LOXHD1: variants seen among roughly 807,000 people sequenced by gnomAD.
LOXHD1 encodes lipoxygenase homology PLAT domains 1.
Under a neutral mutation model 248.2 loss-of-function variants are expected in LOXHD1, and 205 were observed. The observed-to-expected ratio is 0.83, with a 90% CI of 0.74 to 0.93. The LOEUF (loss-of-function observed/expected upper bound fraction) is 0.93, where lower values mean the gene tolerates loss of function less well. Among genes scored for constraint, LOXHD1 ranks in the 40% least tolerant of loss-of-function variants. The pLI is 0.00. For missense variants in LOXHD1, 2,930 were observed against 2,971.6 expected (o/e 0.99, Z 0.33); for synonymous variants, 1,113 against 1,162.8 (o/e 0.96, Z 0.87).
intron 36 of LOXHD1, among the ~76,000 whole-genome samples, 155 bp from the exon 37 acceptor site, chr18:46,506,178 A>G (rs769034604): frequency 4.6e-5 from 7 of 152,138 alleles, no homozygotes; most frequent in African/African-American, 9.7e-5. Flanking sequence ...GAAAGGGTCA[A>G]TTACTGTCCC....
At chr18:46,616,344 C>A (rs2038586757) in intron 5 of LOXHD1, among the ~76,000 whole-genome samples, 1 of 152,128 alleles carries the variant, frequency 6.6e-6, no homozygotes, top group South Asian at 2.1e-4. Context: ...TTAAAATCTA[C>A]AGTTAATCAT....
chr18:46,572,009 T>C, intron 15 of LOXHD1, 77 bp downstream of exon 15: 3 of 1,301,690 alleles, frequency 2.3e-6, no homozygotes, highest in Non-Finnish European at 3.3e-6. Context: ...GCTCGTGTTT[T>C]CTTGAAGGGC....
rs991664099 is a variant in LOXHD1 at position 46,652,228 on chromosome 18, T to C, written c.131-2959A>G. On this transcript the variant is annotated intron_variant, in intron 1 of 40. Coordinates refer to ENST00000642948, the MANE Select transcript of LOXHD1 (RefSeq NM_001384474.1). ...AAATGTGGTTGCCTGGGGTCAGAAG[T>C]AGGGGGGACTGACTGGGAAGGAACA... is the stretch of plus-strand genomic sequence containing the variant. Among the ~76,000 whole-genome samples the C allele has an allele frequency of 2.6e-5, 4 of 152,068 alleles. No homozygotes were observed. In the East Asian group the frequency reaches 7.7e-4, roughly 29 times the overall value.
intron 4 of LOXHD1, among the ~76,000 whole-genome samples, chr18:46,634,129 C>A (rs918560469): frequency 6.6e-6 from 1 of 152,096 alleles, no homozygotes; most frequent in Non-Finnish European, 1.5e-5. Context: ...ATTTGTACGC[C>A]CATGTTCATA....
chr18:46,542,733 T>C lies in LOXHD1; in HGVS notation c.3742A>G (p.Asn1248Asp). The change falls in exon 24 of 41, where the codon AAC becomes GAC. Residue 1248 changes from asparagine to aspartate, a missense_variant. Coordinates refer to ENST00000642948, the MANE Select transcript of LOXHD1 (RefSeq NM_001384474.1). ...DLWKVRLGHD[N>D]TGKAPGWFVD... is the part of the protein sequence containing the mutation. Reference sequence around the variant, plus strand: ...GAGGGGAGGGAAGCCACACCTGTGTTGTCATGGCCAAGCCGGACTTTCCAC... The same window carrying C: ...GAGGGGAGGGAAGCCACACCTGTGTCGTCATGGCCAAGCCGGACTTTCCAC... 3 of 1,551,660 alleles carry C rather than the reference T, an allele frequency of 1.9e-6. No homozygotes were observed. The highest frequency in any genetic ancestry group is 2.6e-6 in the Non-Finnish European group (3 of 1,146,990).
intron 7 of LOXHD1, 72 bp downstream of exon 7, chr18:46,604,034 C>G: frequency 6.5e-7 from 1 of 1,538,776 alleles, no homozygotes; most frequent in South Asian, 1.2e-5. Flanking sequence ...CCTCCAGCCC[C>G]ACAGATGCCA....
chr18:46,579,909 C>T (rs1251483334), intron 12 of LOXHD1, 125 bp from the exon 13 acceptor site: 2 of 1,137,904 alleles, frequency 1.8e-6, no homozygotes, highest in African/African-American at 3.1e-5. Flanking sequence ...CTGACCTTCC[C>T]CCTTCCTCCC....
At position 46,508,045 on chromosome 18, in the gene LOXHD1, G is replaced by A. The variant is rs565771698; in HGVS notation, c.5518-333C>T. The stretch of plus-strand genomic sequence containing the variant: ...AGAGTGACAGAAAAATGGACCAACC[G>A]AGCCCCTGTCAGCCACAAACACCTG... On this transcript the variant is annotated intron_variant, in intron 35 of 40. Transcript: ENST00000642948. Among the ~76,000 whole-genome samples the A allele has an allele frequency of 2.1e-3, 326 of 152,262 alleles. 1 individual carries two copies. Among genetic ancestry groups the A allele is most frequent in the Non-Finnish European group, 3.5e-3 (237 of 68,018 alleles).
In LOXHD1 at chr18:46,559,498, C is replaced by G; in HGVS notation, c.3166G>C (p.Glu1056Gln). ...TTGTCTGACTTCTTCAGGGGTCGTT[C>G]GCCCGTGTCTCCATACTCCTCGCCG... ...IYGEEYGDTG[E>Q]RPLKKSDKSN... Residue 1056 changes from glutamate to glutamine, a missense_variant, in exon 20 of 41, where the codon GAA becomes CAA. Coordinates refer to ENST00000642948, the MANE Select transcript of LOXHD1 (RefSeq NM_001384474.1). 1 of 1,551,998 alleles carries G rather than the reference C, an allele frequency of 6.4e-7. No individual in the cohort carries two copies. Among genetic ancestry groups the G allele is most frequent in the Non-Finnish European group, 8.7e-7 (1 of 1,147,064 alleles).
intron 20 of LOXHD1, among the ~76,000 whole-genome samples, 193 bp from the exon 21 acceptor site, chr18:46,557,682 G>T (rs945400096): frequency 3.9e-5 from 6 of 152,184 alleles, no homozygotes; most frequent in Non-Finnish European, 5.9e-5. Context: ...TCCCTAACTT[G>T]TCCCTGCCAG....
intron 2 of LOXHD1, 113 bp from the exon 3 acceptor site, chr18:46,642,149 C>CT (rs1433986718): frequency 2.2e-6 from 2 of 922,134 alleles, no homozygotes; most frequent in Admixed American, 2.0e-5. Flanking sequence ...CTGGGGAGAG[C>CT]TATGAGCAAC....
At chr18:46,617,539 C>CTT (rs35606636) in intron 5 of LOXHD1, among the ~76,000 whole-genome samples, 32 of 145,604 alleles carry the variant, frequency 2.2e-4, no homozygotes, top group East Asian at 6.0e-4. Context: ...GGAGATTTCT[C>CTT]TTTTTTTTTT....
At chr18:46,488,901 C>G (rs1471505652) in intron 38 of LOXHD1, 71 bp downstream of exon 38, 18 of 1,492,112 alleles carry the variant, frequency 1.2e-5, no homozygotes, top group Non-Finnish European at 1.6e-5. Flanking sequence ...CCCCCTCCAG[C>G]TGGAACGGTG....
intron 21 of LOXHD1, among the ~76,000 whole-genome samples, chr18:46,555,664 T>G (rs1295366020): frequency 6.6e-6 from 1 of 152,166 alleles, no homozygotes; most frequent in Non-Finnish European, 1.5e-5. Flanking sequence ...GGATCACTCA[T>G]GCTTTCTTCT....
intron 16 of LOXHD1, among the ~76,000 whole-genome samples, chr18:46,568,653 C>A (rs768673475): frequency 1.3e-5 from 2 of 152,160 alleles, no homozygotes; most frequent in Non-Finnish European, 2.9e-5. Context: ...GTTCCACAAC[C>A]CACATGTGCT....
At chr18:46,577,343 A>G (rs1368978130) in intron 14 of LOXHD1, among the ~76,000 whole-genome samples, 1 of 152,116 alleles carries the variant, frequency 6.6e-6, no homozygotes, top group African/African-American at 2.4e-5. Context: ...ATTTAAATTA[A>G]AAAAAAACTT....
intron 4 of LOXHD1, among the ~76,000 whole-genome samples, chr18:46,624,298 C>T (rs2038709161): frequency 6.6e-6 from 1 of 152,132 alleles, no homozygotes; most frequent in Non-Finnish European, 1.5e-5. Flanking sequence ...GAGATGAAAA[C>T]GGCAAGGGAG....
chr18:46,592,351 G>C lies in LOXHD1; in HGVS notation c.1518+147C>G, dbSNP rs1171721799. ...CCCCATTAGGAAGTCCCTGTGGCCT[G>C]TATCCAAATTCAGGTCTCACCATAA... On this transcript the variant is annotated intron_variant, in intron 11 of 40. Coordinates refer to ENST00000642948, the MANE Select transcript of LOXHD1 (RefSeq NM_001384474.1). 5 of 750,502 alleles carry C rather than the reference G, an allele frequency of 6.7e-6. No homozygotes were observed. In the South Asian group the frequency reaches 7.7e-5, roughly 12 times the overall value. The allele number at this position is 750,502 out of a possible 1,614,324, so 46.5% of individuals were successfully genotyped here.
At chr18:46,568,965 CA>C (rs1371064558) in intron 16 of LOXHD1, among the ~76,000 whole-genome samples, 9 of 152,180 alleles carry the variant, frequency 5.9e-5, no homozygotes, top group Non-Finnish European at 7.3e-5. Context: ...CAGAATCTCT[CA>C]GGTGTGGCCC....
Sources: allele counts gnomAD v4.1 joint callset (sites outside exome capture counted in the v4.1 genomes callset), GRCh38; gene constraint gnomAD v4.1.1; transcripts MANE v1.5; gene names NCBI Gene and HGNC (gene_info 2026-07-23, HGNC 2026-07-21).